AKAP19: variants seen among roughly 807,000 people sequenced by gnomAD.
AKAP19 encodes small A-kinase anchoring protein.
the AKAP19 span, among the ~76,000 whole-genome samples, chr2:189,976,826 A>C: frequency 7.2e-5 from 11 of 152,272 alleles, no homozygotes; most frequent in Admixed American, 2.0e-4. Flanking sequence ...ATTGTTGGAA[A>C]AGCGCAGTAT....
At chr2:190,118,094 C>T in the AKAP19 span, among the ~76,000 whole-genome samples, 4 of 152,272 alleles carry the variant, frequency 2.6e-5, no homozygotes, top group East Asian at 1.9e-4. Flanking sequence ...AACACCTCTA[C>T]GCAAATAAAC....
the AKAP19 span, among the ~76,000 whole-genome samples, chr2:190,018,344 T>C: frequency 6.6e-6 from 1 of 152,174 alleles, no homozygotes; most frequent in Non-Finnish European, 1.5e-5. Flanking sequence ...AATTTTTTTT[T>C]CGTTTTGGTC....
the AKAP19 span, among the ~76,000 whole-genome samples, chr2:190,114,991 C>T: frequency 6.6e-6 from 1 of 151,314 alleles, no homozygotes; most frequent in African/African-American, 2.4e-5. Context: ...TGCTCATGTT[C>T]CTTAGAGATC....
the AKAP19 span, among the ~76,000 whole-genome samples, chr2:190,051,570 C>G: frequency 2.0e-5 from 3 of 152,182 alleles, no homozygotes; most frequent in Non-Finnish European, 2.9e-5. Flanking sequence ...AAGAAACTTA[C>G]TTGGTGCAAT....
chr2:189,994,835 G>A, the AKAP19 span, among the ~76,000 whole-genome samples: 23 of 152,142 alleles, frequency 1.5e-4, no homozygotes, highest in Non-Finnish European at 1.9e-4. Context: ...CTGACATCAG[G>A]TTATCCAACT....
At chr2:190,023,952 G>C in the AKAP19 span, among the ~76,000 whole-genome samples, 1 of 151,766 alleles carries the variant, frequency 6.6e-6, no homozygotes, top group Non-Finnish European at 1.5e-5. Context: ...AAATTTCATC[G>C]AAGTAAGGGG....
the AKAP19 span, among the ~76,000 whole-genome samples, chr2:189,972,656 G>A: frequency 0.69 from 104,684 of 151,822 alleles, 37,014 homozygotes; most frequent in East Asian, 0.87. Context: ...CTTTTATTTC[G>A]TTGAGCAGTG....
chr2:190,200,067 C>G, the AKAP19 span: 17 of 1,613,962 alleles, frequency 1.1e-5, no homozygotes, highest in Admixed American at 2.8e-4. Context: ...CTCAGGATAT[C>G]TTGTGTGATG....
chr2:190,036,305 A>G, the AKAP19 span, among the ~76,000 whole-genome samples: 1 of 152,156 alleles, frequency 6.6e-6, no homozygotes, highest in South Asian at 2.1e-4. Flanking sequence ...GCTGTGAGCT[A>G]TGGCACAGTA....
chr2:190,192,391 T>C, the AKAP19 span, among the ~76,000 whole-genome samples: 2 of 151,976 alleles, frequency 1.3e-5, no homozygotes, highest in Non-Finnish European at 2.9e-5. Flanking sequence ...CTCCAAATTA[T>C]TGTTCTTTCT....
the AKAP19 span, among the ~76,000 whole-genome samples, chr2:190,049,758 G>A: frequency 2.6e-5 from 4 of 152,124 alleles, no homozygotes; most frequent in Non-Finnish European, 5.9e-5. Flanking sequence ...TTTCTATTAA[G>A]TCCTATTTGA....
the AKAP19 span, among the ~76,000 whole-genome samples, chr2:190,156,156 A>G: frequency 6.6e-6 from 1 of 152,140 alleles, no homozygotes; most frequent in Admixed American, 6.5e-5. Context: ...GAGGGCTCAG[A>G]AGTAGACCCA....
the AKAP19 span, among the ~76,000 whole-genome samples, chr2:190,069,565 A>C: frequency 6.6e-6 from 1 of 152,294 alleles, no homozygotes; most frequent in East Asian, 1.9e-4. Context: ...TAATAGCCTT[A>C]GAAAAATTTA....
At chr2:189,924,924 A>G in the AKAP19 span, among the ~76,000 whole-genome samples, 1 of 152,186 alleles carries the variant, frequency 6.6e-6, no homozygotes, top group Non-Finnish European at 1.5e-5. Flanking sequence ...AAGCTTCATT[A>G]TGGTATGAGT....
At chr2:189,896,954 T>C in the AKAP19 span, among the ~76,000 whole-genome samples, 2 of 152,088 alleles carry the variant, frequency 1.3e-5, no homozygotes, top group Non-Finnish European at 1.5e-5. Flanking sequence ...AAATCAGTAA[T>C]GCAATATGAT....
chr2:189,943,127 CTCAAAGACATT>C, the AKAP19 span, among the ~76,000 whole-genome samples: 19 of 152,270 alleles, frequency 1.2e-4, no homozygotes, highest in Admixed American at 7.2e-4. Flanking sequence ...AAGAAAAGGC[CTCAAAGACATT>C]TCAGAGACCT....
chr2:189,936,136 GA>G, the AKAP19 span, among the ~76,000 whole-genome samples: 3 of 151,542 alleles, frequency 2.0e-5, no homozygotes, highest in Non-Finnish European at 2.9e-5. Flanking sequence ...GAGTAATATT[GA>G]AAAAAAATTC....
chr2:190,155,541 TG>T, the AKAP19 span, among the ~76,000 whole-genome samples: 3 of 151,990 alleles, frequency 2.0e-5, no homozygotes, highest in Admixed American at 6.6e-5. Context: ...CTGAATGGGG[TG>T]GGATCAATGC....
the AKAP19 span, among the ~76,000 whole-genome samples, chr2:189,994,421 G>A: frequency 6.6e-6 from 1 of 151,776 alleles, no homozygotes; most frequent in Admixed American, 6.6e-5. Flanking sequence ...CAGAATTTTT[G>A]ATGTAGGCAT....
Sources: allele counts gnomAD v4.1 joint callset (sites outside exome capture counted in the v4.1 genomes callset), GRCh38; gene constraint gnomAD v4.1.1; transcripts MANE v1.5; gene names NCBI Gene and HGNC (gene_info 2026-07-23, HGNC 2026-07-21).